The following PABPC4L variants were observed in gnomAD, a reference collection of about 807,000 sequenced individuals.
PABPC4L encodes polyadenylate-binding protein 4-like.
For synonymous variants in PABPC4L, 169 were observed against 164.1 expected (o/e 1.03, Z -0.23); for missense variants, 452 against 451.4 (o/e 1.00, Z -0.01).
the PABPC4L span, among the ~76,000 whole-genome samples, chr4:134,032,563 G>A: frequency 6.6e-6 from 1 of 151,606 alleles, no homozygotes; most frequent in Non-Finnish European, 1.5e-5. Context: ...TCTAAAATAT[G>A]GTAATGTGAA....
the PABPC4L span, among the ~76,000 whole-genome samples, chr4:134,142,422 T>TGCATAAAAATATTAATTAGTTGGCA: frequency 6.6e-6 from 1 of 151,626 alleles, no homozygotes; most frequent in Non-Finnish European, 1.5e-5. Context: ...GTGAAGAATA[T>TGCATAAAAATATTAATTAGTTGGCA]GCATAAAAAT....
the PABPC4L span, among the ~76,000 whole-genome samples, chr4:133,976,435 T>A: frequency 6.6e-6 from 1 of 152,288 alleles, no homozygotes; most frequent in Non-Finnish European, 1.5e-5. Context: ...CATATCTTTA[T>A]AATAGAATGA....
At chr4:134,072,259 C>G in the PABPC4L span, among the ~76,000 whole-genome samples, 1 of 152,082 alleles carries the variant, frequency 6.6e-6, no homozygotes, top group Non-Finnish European at 1.5e-5. Flanking sequence ...AGATGTGATT[C>G]TCTCAATTTA....
chr4:134,175,155 C>T, the PABPC4L span, among the ~76,000 whole-genome samples: 3 of 152,048 alleles, frequency 2.0e-5, no homozygotes, highest in East Asian at 5.8e-4. Context: ...TATCCATGTC[C>T]TTTTAAGGAC....
the PABPC4L span, among the ~76,000 whole-genome samples, chr4:134,082,580 TATAGAAAA>T: frequency 1.3e-5 from 2 of 152,126 alleles, no homozygotes. Context: ...AAAAGTTTAT[TATAGAAAA>T]TTGTGTAAAT....
rs1729682547 is a variant in PABPC4L at position 134,197,091 on chromosome 4, C to T, written c.*2816G>A. On this transcript the variant is annotated 3_prime_UTR_variant, in exon 2 of 2. Coordinates refer to ENST00000421491, the MANE Select transcript of PABPC4L (RefSeq NM_001114734.2). ...CAGAACAAGATGTCAAGGCCAGGCA[C>T]ACTTAATACACTTTCCAGTCTTGTT... The T allele has an allele frequency of 6.6e-6, 1 of 151,708 alleles. No homozygotes were observed. The highest frequency in any genetic ancestry group is 1.5e-5 in the Non-Finnish European group (1 of 67,656). 9.4% of individuals were successfully genotyped at this position (151,708 alleles called of 1,614,324 possible).
chr4:133,990,957 T>G, the PABPC4L span, among the ~76,000 whole-genome samples: 4 of 152,130 alleles, frequency 2.6e-5, no homozygotes, highest in Admixed American at 2.6e-4. Flanking sequence ...TCATATAATT[T>G]TTCCCACCAC....
chr4:134,189,775 T>G, the PABPC4L span, among the ~76,000 whole-genome samples: 7,647 of 152,180 alleles, frequency 0.05, 255 homozygotes, highest in Non-Finnish European at 0.075. Context: ...TTGTTTTCAT[T>G]TTTCAAACCC....
At chr4:134,108,752 A>AT in the PABPC4L span, among the ~76,000 whole-genome samples, 10 of 151,630 alleles carry the variant, frequency 6.6e-5, no homozygotes, top group Non-Finnish European at 1.2e-4. Context: ...CTAGACCCTG[A>AT]TTTTTTTCTT....
chr4:134,007,361 T>C, the PABPC4L span, among the ~76,000 whole-genome samples: 75 of 151,938 alleles, frequency 4.9e-4, no homozygotes, highest in Non-Finnish European at 6.9e-4. Context: ...ATGACACTTA[T>C]GTACCTTAAA....
At chr4:134,083,813 G>A in the PABPC4L span, among the ~76,000 whole-genome samples, 2 of 152,066 alleles carry the variant, frequency 1.3e-5, no homozygotes, top group Non-Finnish European at 2.9e-5. Flanking sequence ...TATGCTGAAA[G>A]GCAAATGTAT....
chr4:134,006,685 T>C, the PABPC4L span, among the ~76,000 whole-genome samples: 1 of 151,872 alleles, frequency 6.6e-6, no homozygotes, highest in Non-Finnish European at 1.5e-5. Flanking sequence ...TCAAGGTATT[T>C]GGGAGGTTGC....
At chr4:133,973,683 C>T in the PABPC4L span, among the ~76,000 whole-genome samples, 1 of 152,242 alleles carries the variant, frequency 6.6e-6, no homozygotes, top group Non-Finnish European at 1.5e-5. Flanking sequence ...CACCTGGAAA[C>T]TTTCTGGAAA....
chr4:134,075,692 TTC>T, the PABPC4L span, among the ~76,000 whole-genome samples: 13 of 152,222 alleles, frequency 8.5e-5, no homozygotes, highest in Non-Finnish European at 1.5e-4. Context: ...CAGTTTAATT[TTC>T]TTTTTCCATA....
At chr4:134,165,145 A>C in the PABPC4L span, among the ~76,000 whole-genome samples, 1 of 152,302 alleles carries the variant, frequency 6.6e-6, no homozygotes, top group Admixed American at 6.5e-5. Context: ...AAGATGGATT[A>C]AAGCTTTAAA....
At chr4:133,956,088 A>G in the PABPC4L span, among the ~76,000 whole-genome samples, 4 of 152,170 alleles carry the variant, frequency 2.6e-5, no homozygotes, top group Non-Finnish European at 5.9e-5. Context: ...CAACATTCAA[A>G]TCATAAGGGT....
the PABPC4L span, among the ~76,000 whole-genome samples, chr4:133,969,720 A>G: frequency 6.6e-6 from 1 of 152,180 alleles, no homozygotes; most frequent in African/African-American, 2.4e-5. Context: ...TGAAGAAAAA[A>G]GGGCTGCTGA....
At chr4:134,052,710 G>C in the PABPC4L span, among the ~76,000 whole-genome samples, 1 of 151,882 alleles carries the variant, frequency 6.6e-6, no homozygotes, top group East Asian at 1.9e-4. Context: ...AAAAAAAAAT[G>C]ACAAGAAACA....
chr4:134,075,123 G>A, the PABPC4L span, among the ~76,000 whole-genome samples: 1 of 152,170 alleles, frequency 6.6e-6, no homozygotes, highest in South Asian at 2.1e-4. Context: ...CTAATGACTG[G>A]ATATTTCCAA....
Sources: gnomAD v4.1 joint callset for allele counts (sites outside exome capture counted in the v4.1 genomes callset) on GRCh38, gnomAD v4.1.1 for gene constraint, MANE v1.5 for transcripts, NCBI Gene and HGNC (gene_info 2026-07-23, HGNC 2026-07-21) for gene names.